KLHDC7B: variants seen among roughly 807,000 people sequenced by gnomAD.
KLHDC7B encodes kelch domain containing 7B.
Under a neutral mutation model 0.6 loss-of-function variants are expected in KLHDC7B, and 1 was observed. The ratio of observed to expected loss-of-function variants is 1.71; its 90% confidence interval spans 0.61 to 8.11. The LOEUF is 8.11. Among genes scored for constraint, KLHDC7B ranks in the 30% most tolerant of loss-of-function variants. KLHDC7B has a pLI of 0.13. For missense variants in KLHDC7B, 993 were observed against 894.9 expected, an observed-to-expected ratio of 1.11 and a Z score of -1.40; for synonymous variants, 462 against 405.2, an observed-to-expected ratio of 1.14 and a Z score of -1.68.
In KLHDC7B at chr22:50,550,914, G is replaced by A; in HGVS notation, c.*963G>A. 1 of 282,682 alleles carries A rather than the reference G, an allele frequency of 3.5e-6. No homozygotes were observed. Among genetic ancestry groups the A allele is most frequent in the Non-Finnish European group, 7.4e-6 (1 of 135,260 alleles). The allele number at this position is 282,682 out of a possible 1,614,324, so 17.5% of individuals were successfully genotyped here. A position where few individuals can be genotyped will look rare whatever the true frequency, so the allele number is the denominator to read the frequency against. ...GCTAGAAAAGTGAATACATCTGACT[G>A]TGCTCCACTCCAACCTCCAGCCTGG... On this transcript the variant is annotated 3_prime_UTR_variant, in exon 1 of 1. Transcript: ENST00000648057.
chr22:50,548,119 C>A lies in KLHDC7B; in HGVS notation c.1876C>A (p.Arg626Ser). 6.9e-7 allele frequency: 1 copy of A among 1,457,550 alleles called. No individual in the cohort carries two copies. The highest frequency in any genetic ancestry group is 9.1e-7 in the Non-Finnish European group (1 of 1,104,654). 90.3% of individuals were successfully genotyped at this position (1,457,550 alleles called of 1,614,324 possible). The change falls in exon 1 of 1, where the codon CGC becomes AGC. Residue 626 changes from arginine to serine, a missense_variant. By Grantham distance (110) the Arg-to-Ser change is moderately radical. Coordinates refer to ENST00000648057, the MANE Select transcript of KLHDC7B (RefSeq NM_138433.5). The surrounding 1 kb of genome is among the most constrained non-coding windows in gnomAD (Gnocchi z 5.3). ...TCAGGAGAGTGTGGCTCTCCCCAGG[C>A]GCTACCAGGAGGGGCAGGTCTCAGC... ...KPQESVALPR[R>S]YQEGQVSASW...
At position 50,550,117 on chromosome 22, in the gene KLHDC7B, C is replaced by T. The variant is rs2148696529; in HGVS notation, c.*166C>T. 1.4e-6 allele frequency: 1 copy of T among 709,036 alleles called. No individual in the cohort carries two copies. The highest frequency in any genetic ancestry group is 2.3e-6 in the Non-Finnish European group (1 of 441,080). 43.9% of individuals were successfully genotyped at this position (709,036 alleles called of 1,614,324 possible). A position where few individuals can be genotyped will look rare whatever the true frequency, so the allele number is the denominator to read the frequency against. ...TAAAGGTTGTCGATTATTTTGAAGC[C>T]CAGACTCCCTCAGCCTCTTTCTGCC... is the stretch of plus-strand genomic sequence containing the variant. On this transcript the variant is annotated 3_prime_UTR_variant, in exon 1 of 1. Transcript: ENST00000648057.
Position 50,549,868 on chromosome 22 carries a change from C to A in KLHDC7B, c.3625C>A (p.Pro1209Thr), listed in dbSNP as rs1344084559. Residue 1209 changes from proline (P) to threonine (T), a missense_variant, in exon 1 of 1, where the codon CCC becomes ACC. Coordinates refer to ENST00000648057, the MANE Select transcript of KLHDC7B (RefSeq NM_138433.5). ...CCAGTTCCAGGCCAAGGAGCTGCAGCCCTTCCCCTTGGGGAGCACCGGGGT... is the reference window on the plus strand; with the variant it reads ...CCAGTTCCAGGCCAAGGAGCTGCAGACCTTCCCCTTGGGGAGCACCGGGGT... ...TAQFQAKELQPFPLGSTGVLS... is the reference protein window; with the variant it reads ...TAQFQAKELQTFPLGSTGVLS... 12 of 1,585,920 alleles carry A rather than the reference C, an allele frequency of 7.6e-6. No homozygotes were observed. The highest frequency in any genetic ancestry group is 8.6e-6 in the Non-Finnish European group (10 of 1,165,258).
chr22:50,549,498 G>A lies in KLHDC7B; in HGVS notation c.3255G>A (p.Glu1085=). ...CAGGCACCTTCCCTGTGGCCCACGAGGCTGTGGCCTGCCGTGGGGACATCT... is the reference window on the plus strand; with the variant it reads ...CAGGCACCTTCCCTGTGGCCCACGAAGCTGTGGCCTGCCGTGGGGACATCT... ...LPAGTFPVAH[E]AVACRGDIYV... is the part of the protein sequence containing the mutation. The change falls in exon 1 of 1, where the codon GAG becomes GAA. Residue 1085 remains glutamate, a synonymous_variant. Transcript: ENST00000648057. 1 of 1,612,296 alleles carries A rather than the reference G, an allele frequency of 6.2e-7. No homozygotes were observed. Among genetic ancestry groups the A allele is most frequent in the Non-Finnish European group, 8.5e-7 (1 of 1,179,704 alleles).
chr22:50,547,989 TC>T (rs2069752188), upstream of KLHDC7B: 2 of 257,140 alleles, frequency 7.8e-6, no homozygotes, highest in East Asian at 1.2e-4. Flanking sequence ...TAAGCCCAGC[TC>T]CAACTCCAGC....
At position 50,548,738 on chromosome 22, in the gene KLHDC7B, G is replaced by A. The variant is rs773788346; in HGVS notation, c.2495G>A (p.Gly832Asp). ...ATGGTGTTTCTGCAGAGGCCCGGGGGTTGGGGGGTGGTGGAGGGGCCCCGG... is the reference window on the plus strand; with the variant it reads ...ATGGTGTTTCTGCAGAGGCCCGGGGATTGGGGGGTGGTGGAGGGGCCCCGG... ...KLMVFLQRPGGWGVVEGPRKP... is the reference protein window; with the variant it reads ...KLMVFLQRPGDWGVVEGPRKP... Residue 832 changes from glycine to aspartate, a missense_variant, in exon 1 of 1, where the codon GGT becomes GAT. Coordinates refer to ENST00000648057, the MANE Select transcript of KLHDC7B (RefSeq NM_138433.5). The surrounding 1 kb of genome is among the most constrained non-coding windows in gnomAD (Gnocchi z 5.3). 7.7e-5 allele frequency: 113 copies of A among 1,470,240 alleles called. No homozygotes were observed. The highest frequency in any genetic ancestry group is 9.3e-5 in the Non-Finnish European group (104 of 1,115,270). 91.1% of individuals were successfully genotyped at this position (1,470,240 alleles called of 1,614,324 possible). A position where few individuals can be genotyped will look rare whatever the true frequency, so the allele number is the denominator to read the frequency against.
rs1421247349 is a variant in KLHDC7B, at chr22:50,549,570, C to T, written c.3327C>T (p.Pro1109=). ...HLFYRLLRYS[P]VKDAWDECPY... The stretch of plus-strand genomic sequence containing the variant: ...TCTACCGCCTGCTCAGGTACAGCCC[C>T]GTGAAGGATGCTTGGGACGAGTGCC... Residue 1109 remains proline (P), a synonymous_variant, in exon 1 of 1, where the codon CCC becomes CCT. Transcript: ENST00000648057. 10 of 1,582,824 alleles carry T rather than the reference C, an allele frequency of 6.3e-6. No individual in the cohort carries two copies. Among genetic ancestry groups the T allele is most frequent in the Admixed American group, 1.7e-5 (1 of 58,028 alleles).
Position 50,549,649 on chromosome 22 carries a change from C to G in KLHDC7B, c.3406C>G (p.Leu1136Val). ...CGACATCGTGGCACTGGGGGGCTTC[C>G]TGTACCGCTTCGACCTGCTGCGGGG... is the stretch of plus-strand genomic sequence containing the variant. ...SSDIVALGGF[L>V]YRFDLLRGVG... The change falls in exon 1 of 1, where the codon CTG becomes GTG. Residue 1136 changes from leucine (L) to valine (V), a missense_variant. By Grantham distance (32) the Leu-to-Val change is conservative. Coordinates refer to ENST00000648057, the MANE Select transcript of KLHDC7B (RefSeq NM_138433.5). 1.3e-6 allele frequency: 2 copies of G among 1,557,452 alleles called. No homozygotes were observed. Among genetic ancestry groups the G allele is most frequent in the Non-Finnish European group, 1.7e-6 (2 of 1,149,242 alleles).
rs1293552334 is a variant in KLHDC7B, at chr22:50,550,214, A to AC, written c.*269dup. 2.0e-5 allele frequency: 9 copies of AC among 441,370 alleles called. No individual in the cohort carries two copies. In the East Asian group the frequency reaches 2.9e-4, roughly 14 times the overall value. The allele number at this position is 441,370 out of a possible 1,614,324, so 27.3% of individuals were successfully genotyped here. A position where few individuals can be genotyped will look rare whatever the true frequency, so the allele number is the denominator to read the frequency against. The stretch of plus-strand genomic sequence containing the variant: ...TTACAGACCCTCTCAGCTTGCTGAC[A>AC]CCCCCCTGTCTGTGGGACTCCCTAT... On this transcript the variant is annotated 3_prime_UTR_variant, in exon 1 of 1. Transcript: ENST00000648057.
Position 50,549,744 on chromosome 22 carries a change from G to GGCCCC in KLHDC7B, c.1578_1579insGCCCC (p.Pro527AlafsTer58). 12 of 1,554,334 alleles carry GGCCCC rather than the reference G, an allele frequency of 7.7e-6. No homozygotes were observed. Among genetic ancestry groups the GGCCCC allele is most frequent in the Non-Finnish European group, 9.5e-6 (11 of 1,152,176 alleles). Reference sequence around the variant, plus strand: ...GGAGCAGGGCTGCCTCCCTGCCCCTGCCCGCCCCCGCCCCACTGCACTGCA... The same window carrying GGCCCC: ...GGAGCAGGGCTGCCTCCCTGCCCCTGGCCCCCCCGCCCCCGCCCCACTGCACTGCA... On this transcript the variant is annotated frameshift_variant, in exon 1 of 1. Transcript: ENST00000395676. LOFTEE classifies it low-confidence loss of function (END_TRUNC).
At position 50,548,152 on chromosome 22, in the gene KLHDC7B, G is replaced by T. The variant is rs1202502347; in HGVS notation, c.-15G>T. ...GGAGGGGCAGGTCTCAGCCAGCTGG[G>T]GAAACCTTATTGCCATGGTTCTTAG... On this transcript the variant is annotated 5_prime_UTR_variant, in exon 1 of 1. Coordinates refer to the KLHDC7B transcript ENST00000395676. The surrounding 1 kb of genome is among the most constrained non-coding windows in gnomAD (Gnocchi z 5.3). 2.7e-6 allele frequency: 4 copies of T among 1,488,198 alleles called. No homozygotes were observed. The highest frequency in any genetic ancestry group is 2.2e-5 in the Admixed American group (1 of 45,388). The allele number at this position is 1,488,198 out of a possible 1,614,324, so 92.2% of individuals were successfully genotyped here. A position where few individuals can be genotyped will look rare whatever the true frequency, so the allele number is the denominator to read the frequency against.
Position 50,549,918 on chromosome 22 carries a change from G to A in KLHDC7B, c.3675G>A (p.Leu1225=). ...TCCTCAGTCCATTCATCCTGACTCT[G>A]CCCCCTGAGGACCGGCTGCAGACCT... is the stretch of plus-strand genomic sequence containing the variant. ...TGVLSPFILT[L]PPEDRLQTSL The change falls in exon 1 of 1, where the codon CTG becomes CTA. Residue 1225 remains leucine (L), a synonymous_variant. Coordinates refer to ENST00000648057, the MANE Select transcript of KLHDC7B (RefSeq NM_138433.5). 2 of 1,584,082 alleles carry A rather than the reference G, an allele frequency of 1.3e-6. No individual in the cohort carries two copies. The highest frequency in any genetic ancestry group is 8.6e-7 in the Non-Finnish European group (1 of 1,162,118).
In KLHDC7B at chr22:50,547,627, C is replaced by G; in HGVS notation, c.1384C>G (p.Pro462Ala). Reference protein sequence around the residue: ...PSVGENLRAAPAPSSASAQVL... With the variant: ...PSVGENLRAAAAPSSASAQVL... ...CGTGGGCGAAAATCTCAGAGCGGCGCCAGCCCCAAGTTCAGCCTCAGCCCA... is the reference window on the plus strand; with the variant it reads ...CGTGGGCGAAAATCTCAGAGCGGCGGCAGCCCCAAGTTCAGCCTCAGCCCA... The change falls in exon 1 of 1, where the codon CCA becomes GCA. Residue 462 changes from proline to alanine, a missense_variant. Pro to Ala is a conservative substitution (Grantham distance 27). Coordinates refer to ENST00000648057, the MANE Select transcript of KLHDC7B (RefSeq NM_138433.5). 2.5e-6 allele frequency: 1 copy of G among 403,566 alleles called. No individual in the cohort carries two copies. The highest frequency in any genetic ancestry group is 4.4e-6 in the Non-Finnish European group (1 of 228,964). 25.0% of individuals were successfully genotyped at this position (403,566 alleles called of 1,614,324 possible).
rs1464621584 is a variant in KLHDC7B, at chr22:50,549,469, C to T, written c.3226C>T (p.Pro1076Ser). 6.2e-7 allele frequency: 1 copy of T among 1,612,468 alleles called. No individual in the cohort carries two copies. The highest frequency in any genetic ancestry group is 8.5e-7 in the Non-Finnish European group (1 of 1,179,904). Residue 1076 changes from proline (P) to serine (S), a missense_variant, in exon 1 of 1, where the codon CCC becomes TCC. Physicochemically the swap from Pro to Ser is moderately conservative, Grantham distance 74 (BLOSUM62 -1). Transcript: ENST00000648057. ...CGCCTGGACCCCACGCGCGCCACTC[C>T]CCGCAGGCACCTTCCCTGTGGCCCA... The part of the protein sequence containing the change: ...TDAWTPRAPL[P>S]AGTFPVAHEA...
chr22:50,549,490 G>T lies in KLHDC7B; in HGVS notation c.3247G>T (p.Ala1083Ser). 1 of 1,612,396 alleles carries T rather than the reference G, an allele frequency of 6.2e-7. No individual in the cohort carries two copies. The highest frequency in any genetic ancestry group is 8.5e-7 in the Non-Finnish European group (1 of 1,179,792). The part of the protein sequence containing the change: ...APLPAGTFPV[A>S]HEAVACRGDI... ...ACTCCCCGCAGGCACCTTCCCTGTGGCCCACGAGGCTGTGGCCTGCCGTGG... is the reference window on the plus strand; with the variant it reads ...ACTCCCCGCAGGCACCTTCCCTGTGTCCCACGAGGCTGTGGCCTGCCGTGG... The change falls in exon 1 of 1, where the codon GCC becomes TCC. Residue 1083 changes from alanine to serine, a missense_variant. Coordinates refer to ENST00000648057, the MANE Select transcript of KLHDC7B (RefSeq NM_138433.5).
Position 50,549,524 on chromosome 22 carries a change from A to C in KLHDC7B, c.3281A>C (p.Tyr1094Ser), listed in dbSNP as rs770664338. The C allele has an allele frequency of 2.5e-6, 4 of 1,608,364 alleles. No homozygotes were observed. Reference protein sequence around the residue: ...HEAVACRGDIYVTGGHLFYRL... With the variant: ...HEAVACRGDISVTGGHLFYRL... Reference sequence around the variant, plus strand: ...GCTGTGGCCTGCCGTGGGGACATCTACGTCACCGGGGGTCACCTCTTCTAC... The same window carrying C: ...GCTGTGGCCTGCCGTGGGGACATCTCCGTCACCGGGGGTCACCTCTTCTAC... Residue 1094 changes from tyrosine (Y) to serine (S), a missense_variant, in exon 1 of 1, where the codon TAC (tyrosine) becomes TCC (serine). Tyr to Ser is a moderately radical substitution (Grantham distance 144, BLOSUM62 -2). Transcript: ENST00000648057.
At position 50,547,403 on chromosome 22, in the gene KLHDC7B, C is replaced by T. The variant is rs140088445; in HGVS notation, c.1160C>T (p.Ala387Val). 5.2e-3 allele frequency among the ~76,000 whole-genome samples: 795 copies of T among 152,000 alleles called. 2 individuals are homozygous for T. The highest frequency in any genetic ancestry group is 9.2e-3 in the Non-Finnish European group (627 of 67,912). ...AGCTCCCGAGATAACAGTCCTGCCG[C>T]TGACCTGGGGCCCACCCGGCCCCCG... ...ADSSRDNSPA[A>V]DLGPTRPPEQ... The change falls in exon 1 of 1, where the codon GCT becomes GTT. Residue 387 changes from alanine (A) to valine (V), a missense_variant. Physicochemically the swap from Ala to Val is moderately conservative, Grantham distance 64. Transcript: ENST00000648057.
At position 50,549,258 on chromosome 22, in the gene KLHDC7B, C is replaced by T; in HGVS notation, c.3015C>T (p.Gly1005=). The change falls in exon 1 of 1, where the codon GGC becomes GGT. Residue 1005 remains glycine, a synonymous_variant. Transcript: ENST00000648057. The stretch of plus-strand genomic sequence containing the variant: ...TGTTTCTGGCGGGGGGCATCCGTGG[C>T]TCCGGTGCCAAGGCCGTCTGCTCCA... ...NYLFLAGGIR[G]SGAKAVCSNE... is the part of the protein sequence containing the mutation. 1 of 1,610,896 alleles carries T rather than the reference C, an allele frequency of 6.2e-7. No homozygotes were observed. The highest frequency in any genetic ancestry group is 8.5e-7 in the Non-Finnish European group (1 of 1,179,950).
Position 50,550,857 on chromosome 22 carries a change from C to T in KLHDC7B, c.*906C>T, listed in dbSNP as rs7291641. On this transcript the variant is annotated 3_prime_UTR_variant, in exon 1 of 1. Transcript: ENST00000648057. ...AGGATGCACAGCACAATCCATGATG[C>T]GTTTTCTCCCCTTACGCACTTTGAA... is the stretch of plus-strand genomic sequence containing the variant. 0.07 allele frequency: 14,156 copies of T among 203,646 alleles called. 1,180 individuals are homozygous for T. The highest frequency in any genetic ancestry group is 0.22 in the African/African-American group (9,582 of 43,338). The allele number at this position is 203,646 out of a possible 1,614,324, so 12.6% of individuals were successfully genotyped here. A position where few individuals can be genotyped will look rare whatever the true frequency, so the allele number is the denominator to read the frequency against.
Sources: allele counts gnomAD v4.1 joint callset (sites outside exome capture counted in the v4.1 genomes callset), GRCh38; gene constraint gnomAD v4.1.1; non-coding constraint Gnocchi (gnomAD v3.1); transcripts MANE v1.5; gene names NCBI Gene and HGNC (gene_info 2026-07-23, HGNC 2026-07-21).